LDHB: variants seen among roughly 807,000 people sequenced by gnomAD.
The protein encoded by LDHB is L-lactate dehydrogenase B chain.
A neutral mutation model predicts 33.4 loss-of-function variants in LDHB; 18 were observed. That is an observed-to-expected ratio of 0.54 (90% CI 0.37 to 0.80). The LOEUF (loss-of-function observed/expected upper bound fraction) is 0.80, where lower values mean the gene tolerates loss of function less well. Ranked by LOEUF, LDHB falls within the 30% of genes least tolerant of loss-of-function variation. The probability of loss-of-function intolerance (pLI) is 0.00; values close to 1 mark genes in which losing one functional copy is unlikely to be tolerated. For synonymous variants in LDHB, 121 were observed against 140.6 expected, an observed-to-expected ratio of 0.86 and a Z score of 0.98; for missense variants, 345 against 407.9, an observed-to-expected ratio of 0.85 and a Z score of 1.33.
At position 21,637,189 on chromosome 12, in the gene LDHB, T is replaced by C. The variant is rs369382991; in HGVS notation, c.719A>G (p.Tyr240Cys). The change falls in exon 7 of 8, where the codon TAT (tyrosine) becomes TGT (cysteine). Residue 240 changes from tyrosine (Y) to cysteine (C), a missense_variant. Tyr to Cys is a radical substitution (Grantham distance 194). Transcript: ENST00000350669. ...ATATCCTTTTAGCTTGATGACTTCA[T>C]AGGCACTTAAAAAAATTATAAAAGA... ...EVHKMVVESA[Y>C]EVIKLKGYTN... 4.6e-5 allele frequency: 73 copies of C among 1,598,998 alleles called. No homozygotes were observed. Among genetic ancestry groups the C allele is most frequent in the Non-Finnish European group, 6.2e-5 (72 of 1,168,096 alleles).
At chr12:21,647,995 A>T (rs1458688365) in intron 2 of LDHB, among the ~76,000 whole-genome samples, 1 of 150,090 alleles carries the variant, frequency 6.7e-6, no homozygotes, top group Non-Finnish European at 1.5e-5. Flanking sequence ...TGGAATCATA[A>T]TTTTTTAAAT....
intron 3 of LDHB, among the ~76,000 whole-genome samples, chr12:21,644,424 C>CAAAAAAAAAAAAACAAAAA (rs1591830643): frequency 2.0e-4 from 3 of 15,262 alleles, no homozygotes; most frequent in African/African-American, 3.9e-4. Flanking sequence ...AGGTAGACAT[C>CAAAAAAAAAAAAACAAAAA]AAAAAAAAAA....
chr12:21,657,584 A>G (rs1460099460), intron 1 of LDHB, 167 bp downstream of exon 1: 2 of 152,592 alleles, frequency 1.3e-5, no homozygotes, highest in Non-Finnish European at 2.9e-5. Context: ...CTGCGCCCCA[A>G]ACTGAGCGGC....
At position 21,654,601 on chromosome 12, in the gene LDHB, A is replaced by T. The variant is rs1938785159; in HGVS notation, c.71T>A (p.Ile24Asn). ...AACTTGTCCAACACCCACTACAGTG[A>T]TCTTATTGTTTGGAACTGTTGCCTC... is the stretch of plus-strand genomic sequence containing the variant. ...EEEATVPNNK[I>N]TVVGVGQVGM... is the part of the protein sequence containing the mutation. The change falls in exon 2 of 8, where the codon ATC (isoleucine) becomes AAC (asparagine). Residue 24 changes from isoleucine (I) to asparagine (N), a missense_variant. Transcript: ENST00000350669. 1 of 1,614,040 alleles carries T rather than the reference A, an allele frequency of 6.2e-7. No individual in the cohort carries two copies. Among genetic ancestry groups the T allele is most frequent in the Non-Finnish European group, 8.5e-7 (1 of 1,179,900 alleles).
At chr12:21,638,560 T>C in intron 5 of LDHB, 90 bp from the exon 6 acceptor site, 1 of 854,366 alleles carries the variant, frequency 1.2e-6, no homozygotes, top group Non-Finnish European at 1.9e-6. Context: ...TCACCTATGA[T>C]GCAAATTACT....
At chr12:21,642,391 C>T (rs935416987) in intron 4 of LDHB, among the ~76,000 whole-genome samples, 2 of 151,882 alleles carry the variant, frequency 1.3e-5, no homozygotes, top group Non-Finnish European at 2.9e-5. Context: ...TTATGTGAAA[C>T]AAGAATATTT....
intron 4 of LDHB, 87 bp from the exon 5 acceptor site, chr12:21,642,212 C>G (rs1938394849): frequency 2.4e-6 from 2 of 832,026 alleles, no homozygotes; most frequent in Admixed American, 1.9e-5. Flanking sequence ...TTCCCTTTTC[C>G]CACTTCCCCA....
intron 4 of LDHB, chr12:21,643,666 G>A: frequency 2.3e-6 from 1 of 431,056 alleles, no homozygotes; most frequent in Admixed American, 3.9e-5. Flanking sequence ...TTATAAAAAA[G>A]TTTTAAAAGC....
chr12:21,652,115 T>C (rs946317068), intron 2 of LDHB, among the ~76,000 whole-genome samples: 2 of 152,238 alleles, frequency 1.3e-5, no homozygotes, highest in Admixed American at 6.5e-5. Flanking sequence ...GATTACATCA[T>C]AGAGGTACTT....
At chr12:21,646,735 A>C (rs1938537089) in intron 3 of LDHB, among the ~76,000 whole-genome samples, 164 bp downstream of exon 3, 1 of 152,234 alleles carries the variant, frequency 6.6e-6, no homozygotes, top group African/African-American at 2.4e-5. Flanking sequence ...TGAATTTGCT[A>C]AACTACATTA....
At chr12:21,648,665 G>C (rs1289002153) in intron 2 of LDHB, among the ~76,000 whole-genome samples, 1 of 152,182 alleles carries the variant, frequency 6.6e-6, no homozygotes, top group Non-Finnish European at 1.5e-5. Context: ...CTGGGAGACA[G>C]TCAATAAGAA....
intron 5 of LDHB, 26 bp from the exon 6 acceptor site, chr12:21,638,496 T>C (rs763118689): frequency 1.5e-6 from 2 of 1,349,878 alleles, no homozygotes; most frequent in South Asian, 2.4e-5. Context: ...AAAAAAGACA[T>C]TGCAGTTATT....
At chr12:21,653,578 T>TA (rs1722071831) in intron 2 of LDHB, among the ~76,000 whole-genome samples, 3 of 152,116 alleles carry the variant, frequency 2.0e-5, no homozygotes, top group South Asian at 4.1e-4. Flanking sequence ...TATAGACAAA[T>TA]ACGTCATGGA....
intron 2 of LDHB, among the ~76,000 whole-genome samples, chr12:21,647,572 G>A (rs1391258288): frequency 6.6e-6 from 1 of 152,154 alleles, no homozygotes; most frequent in Admixed American, 6.5e-5. Context: ...ATCTGTGCCT[G>A]AGACTTGCCC....
intron 5 of LDHB, among the ~76,000 whole-genome samples, chr12:21,639,873 G>A (rs1938322049): frequency 6.6e-6 from 1 of 151,960 alleles, no homozygotes; most frequent in African/African-American, 2.4e-5. Flanking sequence ...AAAGTGATAT[G>A]TGTCAGAAAA....
intron 2 of LDHB, among the ~76,000 whole-genome samples, chr12:21,648,535 T>TGGG (rs11444668): frequency 2.8e-4 from 42 of 150,884 alleles, no homozygotes; most frequent in African/African-American, 1.0e-3. Context: ...AGGGTATTAA[T>TGGG]GGGGGGGAGG....
At chr12:21,646,773 T>C (rs1312388765) in intron 3 of LDHB, 126 bp downstream of exon 3, 2 of 710,978 alleles carry the variant, frequency 2.8e-6, no homozygotes, top group African/African-American at 3.5e-5. Context: ...GTTATTGAAA[T>C]AACTGTTCCA....
chr12:21,645,885 C>A (rs967865636), intron 3 of LDHB, among the ~76,000 whole-genome samples: 1 of 152,190 alleles, frequency 6.6e-6, no homozygotes, highest in African/African-American at 2.4e-5. Flanking sequence ...TCTCGTTCCA[C>A]CCGACGAGAA....
At chr12:21,641,919 TCA>T (rs1942976250) in intron 5 of LDHB, 31 bp downstream of exon 5, 1 of 1,574,014 alleles carries the variant, frequency 6.4e-7, no homozygotes, top group African/African-American at 1.4e-5. Flanking sequence ...AAAACCAACA[TCA>T]CAAGTAATTA....
Sources: allele counts gnomAD v4.1 joint callset (sites outside exome capture counted in the v4.1 genomes callset), GRCh38; gene constraint gnomAD v4.1.1; transcripts MANE v1.5; gene names NCBI Gene and HGNC (gene_info 2026-07-23, HGNC 2026-07-21).